The following SUPT6H variants were observed in gnomAD, a reference collection of about 807,000 sequenced individuals.
SUPT6H encodes transcription elongation factor SPT6.
In SUPT6H, 11 loss-of-function variants were observed where a neutral mutation model predicts 222.3. The ratio of observed to expected loss-of-function variants is 0.05; its 90% confidence interval spans 0.03 to 0.08. The LOEUF is 0.08. Ranked by LOEUF, SUPT6H falls within the 10% of genes least tolerant of loss-of-function variation. The pLI, the probability that SUPT6H is intolerant of heterozygous loss-of-function variation, is 1.00. For synonymous variants in SUPT6H, 762 were observed against 801.2 expected (o/e 0.95, Z 0.83); for missense variants, 1,422 against 2,216.0 (o/e 0.64, Z 7.19).
intron 27 of SUPT6H, among the ~76,000 whole-genome samples, 166 bp from the exon 28 acceptor site, chr17:28,693,530 T>A (rs1175057399): frequency 6.6e-6 from 1 of 152,226 alleles, no homozygotes; most frequent in African/African-American, 2.4e-5. Flanking sequence ...AGGGACTTTG[T>A]AGATGGTCAA....
Position 28,684,572 on chromosome 17 carries a change from G to T in SUPT6H, c.2230-14G>T. 6.2e-7 allele frequency: 1 copy of T among 1,614,052 alleles called. No homozygotes were observed. Among genetic ancestry groups the T allele is most frequent in the Non-Finnish European group, 8.5e-7 (1 of 1,180,002 alleles). On this transcript the variant is annotated splice_polypyrimidine_tract_variant and intron_variant, in intron 17 of 36. Transcript: ENST00000314616. ...TCATCATGTATGTAATACCTGTTGT[G>T]TCTCTTCCCTCAGGCCTGTAGTCGA...
chr17:28,700,692 A>G (rs1597723836), intron 35 of SUPT6H, 180 bp downstream of exon 35: 10 of 998,896 alleles, frequency 1.0e-5, no homozygotes, highest in Non-Finnish European at 1.4e-5. Flanking sequence ...AGAGGGCATA[A>G]CCTTTCCACG....
chr17:28,674,387 G>T lies in SUPT6H; in HGVS notation c.214G>T (p.Gly72Cys). The change falls in exon 3 of 37, where the codon GGC becomes TGC. Residue 72 changes from glycine to cysteine, a missense_variant. Transcript: ENST00000314616. Reference protein sequence around the residue: ...DDEDEGEEDEGSDSGDSEDDV... With the variant: ...DDEDEGEEDECSDSGDSEDDV... Reference sequence around the variant, plus strand: ...TGAAGATGAAGGGGAGGAGGATGAGGGCAGTGACTCTGGTGATTCAGAAGA... The same window carrying T: ...TGAAGATGAAGGGGAGGAGGATGAGTGCAGTGACTCTGGTGATTCAGAAGA... 1 of 1,613,922 alleles carries T rather than the reference G, an allele frequency of 6.2e-7. No homozygotes were observed. Among genetic ancestry groups the T allele is most frequent in the South Asian group, 1.1e-5 (1 of 91,060 alleles).
In SUPT6H at chr17:28,684,691, A is replaced by C. The variant is rs200483777; in HGVS notation, c.2335A>C (p.Ile779Leu). The C allele has an allele frequency of 2.4e-5, 39 of 1,614,128 alleles. No individual in the cohort carries two copies. Among genetic ancestry groups the C allele is most frequent in the Middle Eastern group, 1.6e-4 (1 of 6,084 alleles). ...DFMDENQGKGIRVLGIAFSSA... is the reference protein window; with the variant it reads ...DFMDENQGKGLRVLGIAFSSA... The stretch of plus-strand genomic sequence containing the variant: ...TATGGACGAGAACCAAGGGAAGGGC[A>C]TTCGAGTCCTCGGCATTGCTTTCTC... The change falls in exon 18 of 37, where the codon ATT becomes CTT. Residue 779 changes from isoleucine to leucine, a missense_variant. Coordinates refer to ENST00000314616, the MANE Select transcript of SUPT6H (RefSeq NM_003170.5).
chr17:28,692,164 A>G (rs2031690088), intron 27 of SUPT6H, among the ~76,000 whole-genome samples: 1 of 150,628 alleles, frequency 6.6e-6, no homozygotes, highest in Admixed American at 6.6e-5. Context: ...TCTACTAAAC[A>G]ATACAAAAAA....
At chr17:28,665,607 GAAAA>G (rs1037614097) in intron 1 of SUPT6H, among the ~76,000 whole-genome samples, 1 of 152,002 alleles carries the variant, frequency 6.6e-6, no homozygotes, top group Non-Finnish European at 1.5e-5. Context: ...AAGATACAAA[GAAAA>G]AATTAGCTGG....
chr17:28,685,877 G>A (rs1567697378), intron 19 of SUPT6H, among the ~76,000 whole-genome samples: 1 of 152,178 alleles, frequency 6.6e-6, no homozygotes, highest in Non-Finnish European at 1.5e-5. Flanking sequence ...GCCACAAAAG[G>A]AGGACATGCA....
chr17:28,685,016 C>T (rs2031312147), intron 19 of SUPT6H, 55 bp downstream of exon 19: 1 of 1,507,696 alleles, frequency 6.6e-7, no homozygotes. Flanking sequence ...TCTTATGATT[C>T]AGTGGAGATA....
At chr17:28,667,858 A>G (rs749015139) in intron 1 of SUPT6H, among the ~76,000 whole-genome samples, 3 of 151,768 alleles carry the variant, frequency 2.0e-5, no homozygotes, top group Non-Finnish European at 4.4e-5. Flanking sequence ...GGTAGGAAGC[A>G]TATTTTACTC....
chr17:28,674,514 T>A (rs377342099), intron 3 of SUPT6H, 23 bp from the exon 4 acceptor site: 5 of 1,614,194 alleles, frequency 3.1e-6, no homozygotes, highest in Admixed American at 3.3e-5. Flanking sequence ...CCCATCACCA[T>A]GGGCAACACT....
rs752566166 is a variant in SUPT6H at position 28,684,574 on chromosome 17, C to T, written c.2230-12C>T. 5.0e-6 allele frequency: 8 copies of T among 1,614,036 alleles called. No homozygotes were observed. In the South Asian group the frequency reaches 7.7e-5, roughly 16 times the overall value. ...ATCATGTATGTAATACCTGTTGTGT[C>T]TCTTCCCTCAGGCCTGTAGTCGAAA... On this transcript the variant is annotated splice_polypyrimidine_tract_variant and intron_variant, in intron 17 of 36. Coordinates refer to ENST00000314616, the MANE Select transcript of SUPT6H (RefSeq NM_003170.5).
At position 28,676,294 on chromosome 17, in the gene SUPT6H, G is replaced by T. The variant is rs1428519452; in HGVS notation, c.761G>T (p.Arg254Leu). The T allele has an allele frequency of 1.9e-6, 3 of 1,613,646 alleles. No homozygotes were observed. The highest frequency in any genetic ancestry group is 2.2e-5 in the East Asian group (1 of 44,854). Residue 254 changes from arginine to leucine, a missense_variant, in exon 7 of 37, where the codon CGC becomes CTC. By Grantham distance (102) the Arg-to-Leu change is moderately radical. Coordinates refer to ENST00000314616, the MANE Select transcript of SUPT6H (RefSeq NM_003170.5). The part of the protein sequence containing the change: ...DDEAEGEIRV[R>L]PKKTTKKRVS... The stretch of plus-strand genomic sequence containing the variant: ...GAGGCTGAGGGTGAAATCCGAGTGC[G>T]CCCCAAGAAGACCACCAAGAAGCGT...
Position 28,700,977 on chromosome 17 carries a change from C to T in SUPT6H, c.4843C>T (p.Pro1615Ser). Residue 1615 changes from proline (P) to serine (S), a missense_variant, in exon 36 of 37, where the codon CCA (proline) becomes TCA (serine). Pro to Ser is a moderately conservative substitution (Grantham distance 74, BLOSUM62 -1). Around this residue, in one of 13 missense-constraint regions of SUPT6H, gnomAD observed 395 missense variants for 580.6 expected, o/e 0.68. Coordinates refer to ENST00000314616, the MANE Select transcript of SUPT6H (RefSeq NM_003170.5). ...PTPAQQPVAT[P>S]LMTPSYSYTT... ...GCCAGCCCAGCAGCCAGTGGCCACACCACTAATGACCCCTAGCTACTCCTA... is the reference window on the plus strand; with the variant it reads ...GCCAGCCCAGCAGCCAGTGGCCACATCACTAATGACCCCTAGCTACTCCTA... The T allele has an allele frequency of 6.2e-7, 1 of 1,613,750 alleles. No homozygotes were observed. Among genetic ancestry groups the T allele is most frequent in the Non-Finnish European group, 8.5e-7 (1 of 1,179,738 alleles).
intron 25 of SUPT6H, 150 bp downstream of exon 25, chr17:28,689,711 C>A: frequency 1.2e-6 from 1 of 802,492 alleles, no homozygotes; most frequent in Non-Finnish European, 1.9e-6. Flanking sequence ...TACTGGGCTC[C>A]TCAAGGAAGT....
intron 13 of SUPT6H, 90 bp from the exon 14 acceptor site, chr17:28,682,637 A>G (rs1461439232): frequency 2.6e-6 from 4 of 1,527,456 alleles, no homozygotes; most frequent in Middle Eastern, 1.9e-4. Context: ...AAAAAAGGCT[A>G]GTTCCCAGAA....
At position 28,692,534 on chromosome 17, in the gene SUPT6H, G is replaced by C. The variant is rs997737467; in HGVS notation, c.3634-1162G>C. Among the ~76,000 whole-genome samples, 4 of 147,018 alleles carry C rather than the reference G, an allele frequency of 2.7e-5. 1 individual carries two copies. Among genetic ancestry groups the C allele is most frequent in the Non-Finnish European group, 6.0e-5 (4 of 66,852 alleles). On this transcript the variant is annotated intron_variant, in intron 27 of 36. Coordinates refer to ENST00000314616, the MANE Select transcript of SUPT6H (RefSeq NM_003170.5). ...CTATCTCAAAAAAAAACACAAAAGG[G>C]AGGGGCCTCAGTTGCAGCTAAAGGG...
intron 1 of SUPT6H, among the ~76,000 whole-genome samples, chr17:28,668,267 A>G (rs1403812306): frequency 6.6e-6 from 1 of 152,236 alleles, no homozygotes; most frequent in African/African-American, 2.4e-5. Context: ...TAAATACAAC[A>G]TCCAAACTAC....
At chr17:28,679,069 C>T in intron 11 of SUPT6H, 106 bp downstream of exon 11, 1 of 1,433,458 alleles carries the variant, frequency 7.0e-7, no homozygotes, top group Non-Finnish European at 9.4e-7. Context: ...AGGGCCCCAT[C>T]CCTTAGAAAT....
intron 1 of SUPT6H, among the ~76,000 whole-genome samples, chr17:28,667,370 C>CAA (rs546020183): frequency 6.4e-4 from 4 of 6,228 alleles, no homozygotes; most frequent in Non-Finnish European, 7.1e-4. Flanking sequence ...GACTCCGTCT[C>CAA]AAAAAAAAAA....
Sources: allele counts gnomAD v4.1 joint callset (sites outside exome capture counted in the v4.1 genomes callset), GRCh38; gene constraint gnomAD v4.1.1; regional missense constraint gnomAD v4.1.1; transcripts MANE v1.5; gene names NCBI Gene and HGNC (gene_info 2026-07-23, HGNC 2026-07-21).